Variants in GABRG3 observed in about 807,000 individuals in gnomAD.
GABRG3 encodes the protein gamma-aminobutyric acid receptor subunit gamma-3.
Under a neutral mutation model 48.8 loss-of-function variants are expected in GABRG3, and 25 were observed. That is an observed-to-expected ratio of 0.51 (90% CI 0.37 to 0.72). The LOEUF is 0.72. Ranked by LOEUF, GABRG3 falls within the 30% of genes least tolerant of loss-of-function variation. GABRG3 has a pLI of 0.00. For synonymous variants in GABRG3, 227 were observed against 217.6 expected (o/e 1.04, Z -0.38); for missense variants, 394 against 577.9 (o/e 0.68, Z 3.26).
At chr15:27,158,066 C>T (rs981325739) in intron 3 of GABRG3, 12 of 151,978 alleles carry the variant, frequency 7.9e-5, no homozygotes, top group African/African-American at 2.9e-4. Context: ...TATGAGCTGG[C>T]TCTCCGGGTT....
intron 2 of GABRG3, among the ~76,000 whole-genome samples, chr15:27,020,906 C>T (rs1476061992): frequency 6.6e-6 from 1 of 152,158 alleles, no homozygotes; most frequent in Non-Finnish European, 1.5e-5. Flanking sequence ...CTACTTGGGT[C>T]AGCTTGTAAT....
intron 9 of GABRG3, among the ~76,000 whole-genome samples, chr15:27,529,897 A>G (rs2150865847): frequency 6.6e-6 from 1 of 151,986 alleles, no homozygotes; most frequent in South Asian, 2.1e-4. Context: ...ATTAAAAAAA[A>G]AAAAAAAAGA....
At chr15:27,108,032 G>A (rs1001126632) in intron 3 of GABRG3, among the ~76,000 whole-genome samples, 1 of 150,918 alleles carries the variant, frequency 6.6e-6, no homozygotes, top group African/African-American at 2.4e-5. Flanking sequence ...TGGTTATGTT[G>A]ATTTTCTCTA....
intron 3 of GABRG3, among the ~76,000 whole-genome samples, chr15:27,030,372 C>T (rs1309632380): frequency 1.3e-5 from 2 of 152,168 alleles, no homozygotes; most frequent in African/African-American, 4.8e-5. Flanking sequence ...GCCATTCCTT[C>T]TGTGGAGTGG....
Position 27,052,819 on chromosome 15 carries a change from C to T in GABRG3, c.270+25998C>T, listed in dbSNP as rs1303223208. ...TGGTACTGGCACAAAAACAGACATACGGACAAGTGGAATAGAGTAGATAAC... is the reference window on the plus strand; with the variant it reads ...TGGTACTGGCACAAAAACAGACATATGGACAAGTGGAATAGAGTAGATAAC... On this transcript the variant is annotated intron_variant, in intron 3 of 9. Coordinates refer to ENST00000615808, the MANE Select transcript of GABRG3 (RefSeq NM_033223.5). 3.9e-5 allele frequency among the ~76,000 whole-genome samples: 6 copies of T among 152,194 alleles called. No homozygotes were observed. In the East Asian group the frequency reaches 5.8e-4, roughly 15 times the overall value.
rs1386666861 is a variant in GABRG3 at position 27,180,155 on chromosome 15, G to C, written c.271-146654G>C. Among the ~76,000 whole-genome samples the C allele has an allele frequency of 6.6e-6, 1 of 152,148 alleles. No individual in the cohort carries two copies. The highest frequency in any genetic ancestry group is 2.4e-5 in the African/African-American group (1 of 41,428). On this transcript the variant is annotated intron_variant, in intron 3 of 9. Coordinates refer to ENST00000615808, the MANE Select transcript of GABRG3 (RefSeq NM_033223.5). This position sits in a 1 kb window ranked among gnomAD's most constrained non-coding sequence, Gnocchi z 4.2. The stretch of plus-strand genomic sequence containing the variant: ...TCACAAAGAAGTTGTCCAGGCCCGG[G>C]GGGTGAGATACATAAATTGAGCCTG...
rs1254993197 is a variant in GABRG3 at position 27,138,986 on chromosome 15, C to T, written c.270+112165C>T. Reference sequence around the variant, plus strand: ...GGGTTCTCCAGAGAGGAAGACCCAACAGGGGATGGGTGGATAGGTGATAGA... The same window carrying T: ...GGGTTCTCCAGAGAGGAAGACCCAATAGGGGATGGGTGGATAGGTGATAGA... On this transcript the variant is annotated intron_variant, in intron 3 of 9. Coordinates refer to ENST00000615808, the MANE Select transcript of GABRG3 (RefSeq NM_033223.5). Among the ~76,000 whole-genome samples the T allele has an allele frequency of 2.6e-5, 4 of 152,096 alleles. No individual in the cohort carries two copies. The East Asian group carries it at 7.7e-4, about 29-fold the overall frequency.
In GABRG3 at chr15:27,179,651, G is replaced by T. The variant is rs968472182; in HGVS notation, c.271-147158G>T. 3.3e-5 allele frequency among the ~76,000 whole-genome samples: 5 copies of T among 152,296 alleles called. No individual in the cohort carries two copies. In the South Asian group the frequency reaches 1.0e-3, roughly 32 times the overall value. On this transcript the variant is annotated intron_variant, in intron 3 of 9. Coordinates refer to ENST00000615808, the MANE Select transcript of GABRG3 (RefSeq NM_033223.5). This position sits in a 1 kb window ranked among gnomAD's most constrained non-coding sequence, Gnocchi z 4.0. Reference sequence around the variant, plus strand: ...ATGCACAGAACCCTCGAGTCCTGTTGTCCTGCCGGGGGTCCATTCATCTTG... The same window carrying T: ...ATGCACAGAACCCTCGAGTCCTGTTTTCCTGCCGGGGGTCCATTCATCTTG...
chr15:27,259,895 C>G (rs1415584952), intron 3 of GABRG3, among the ~76,000 whole-genome samples: 2 of 152,148 alleles, frequency 1.3e-5, no homozygotes, highest in African/African-American at 4.8e-5. Flanking sequence ...CAACACCTGT[C>G]TGTGAAATTT....
At chr15:27,165,758 G>A (rs972616716) in intron 3 of GABRG3, among the ~76,000 whole-genome samples, 2 of 152,116 alleles carry the variant, frequency 1.3e-5, no homozygotes, top group African/African-American at 4.8e-5. Context: ...GTCAGTGAGA[G>A]GAGGATCAGG....
At chr15:27,279,245 G>T (rs1480168051) in intron 3 of GABRG3, among the ~76,000 whole-genome samples, 1 of 152,188 alleles carries the variant, frequency 6.6e-6, no homozygotes, top group Non-Finnish European at 1.5e-5. Context: ...GGGTTTTGGA[G>T]AGCAAAGATT....
chr15:27,529,248 T>G (rs530036067), intron 9 of GABRG3, among the ~76,000 whole-genome samples: 1 of 152,342 alleles, frequency 6.6e-6, no homozygotes, highest in South Asian at 2.1e-4. Context: ...ACAAATTTGT[T>G]ACATTTAACT....
intron 5 of GABRG3, among the ~76,000 whole-genome samples, chr15:27,388,043 G>A (rs1473591030): frequency 8.6e-6 from 1 of 115,930 alleles, no homozygotes; most frequent in East Asian, 3.1e-4. Flanking sequence ...AAGGAAGGAA[G>A]GAAGGAAAGG....
At chr15:27,519,220 C>A (rs376625758) in intron 6 of GABRG3, among the ~76,000 whole-genome samples, 1 of 152,086 alleles carries the variant, frequency 6.6e-6, no homozygotes, top group African/African-American at 2.4e-5. Flanking sequence ...GTGGCCTAGA[C>A]AAGAAATCAA....
chr15:27,223,129 T>C (rs909350166), intron 3 of GABRG3, among the ~76,000 whole-genome samples: 2 of 152,260 alleles, frequency 1.3e-5, no homozygotes, highest in Non-Finnish European at 1.5e-5. Flanking sequence ...TGTATCTTTA[T>C]AGCATTTCAT....
At chr15:27,211,364 TAAGA>T (rs1203356430) in intron 3 of GABRG3, among the ~76,000 whole-genome samples, 1 of 152,062 alleles carries the variant, frequency 6.6e-6, no homozygotes, top group East Asian at 1.9e-4. Context: ...ACGTTTGATG[TAAGA>T]GAGAAGGACT....
chr15:27,467,205 G>T (rs1323063615), intron 5 of GABRG3, among the ~76,000 whole-genome samples: 1 of 152,106 alleles, frequency 6.6e-6, no homozygotes, highest in Non-Finnish European at 1.5e-5. Context: ...CACGGAGGGA[G>T]AAACATCATC....
At chr15:27,006,111 G>A (rs539179524) in intron 2 of GABRG3, among the ~76,000 whole-genome samples, 1 of 152,160 alleles carries the variant, frequency 6.6e-6, no homozygotes, top group Admixed American at 6.5e-5. Flanking sequence ...ACTTTATCTA[G>A]ACATATATTT....
intron 3 of GABRG3, among the ~76,000 whole-genome samples, chr15:27,092,068 T>A (rs1427482214): frequency 6.6e-6 from 1 of 152,196 alleles, no homozygotes; most frequent in South Asian, 2.1e-4. Context: ...ACGCACTCAC[T>A]GTTTTATGAA....
Sources: gnomAD v4.1 joint callset for allele counts (sites outside exome capture counted in the v4.1 genomes callset) on GRCh38, gnomAD v4.1.1 for gene constraint, Gnocchi (gnomAD v3.1) non-coding constraint, MANE v1.5 for transcripts, NCBI Gene and HGNC (gene_info 2026-07-23, HGNC 2026-07-21) for gene names.